The following IL6 variants were observed in gnomAD, a reference collection of about 807,000 sequenced individuals.
IL6 encodes the protein interleukin 6.
In IL6, 5 loss-of-function variants were observed where a neutral mutation model predicts 18.0. That is an observed-to-expected ratio of 0.28 (90% CI 0.15 to 0.58). The LOEUF (loss-of-function observed/expected upper bound fraction) is 0.58, where lower values mean the gene tolerates loss of function less well. Ranked by LOEUF, IL6 falls within the 20% of genes least tolerant of loss-of-function variation. The pLI is 0.90. For synonymous variants in IL6, 97 were observed against 95.1 expected, an observed-to-expected ratio of 1.02 and a Z score of -0.12; for missense variants, 266 against 251.0, an observed-to-expected ratio of 1.06 and a Z score of -0.40.
At chr7:22,727,953 G>A (rs1784047203) in intron 2 of IL6, among the ~76,000 whole-genome samples, 1 of 151,944 alleles carries the variant, frequency 6.6e-6, no homozygotes, top group South Asian at 2.1e-4. Context: ...TTTGTCCCCC[G>A]GGCTTTGGAA....
Position 22,727,543 on chromosome 7 carries a change from C to A in IL6, c.119C>A (p.Ala40Asp), listed in dbSNP as rs1360685977. Residue 40 changes from alanine (A) to aspartate (D), a missense_variant, in exon 2 of 5, where the codon GCC (alanine) becomes GAC (aspartate). Ala to Asp is a moderately radical substitution (Grantham distance 126). Transcript: ENST00000258743. ...CCAGGAGAAGATTCCAAAGATGTAG[C>A]CGCCCCACACAGACAGCCACTCACC... is the stretch of plus-strand genomic sequence containing the variant. ...VPPGEDSKDV[A>D]APHRQPLTSS... The A allele has an allele frequency of 1.2e-6, 2 of 1,612,054 alleles. No homozygotes were observed. Among genetic ancestry groups the A allele is most frequent in the Admixed American group, 3.4e-5 (2 of 59,616 alleles).
intron 4 of IL6, chr7:22,730,191 G>A (rs1344108086): frequency 1.0e-6 from 1 of 985,260 alleles, no homozygotes; most frequent in African/African-American, 1.7e-5. Flanking sequence ...CAGACAGCAG[G>A]GAGTAGACTT....
rs115330976 is a variant in IL6 at position 22,727,800 on chromosome 7, T to G, written c.210+166T>G. 3.3e-3 allele frequency among the ~76,000 whole-genome samples: 503 copies of G among 152,308 alleles called. 3 individuals are homozygous for G. The highest frequency in any genetic ancestry group is 0.011 in the African/African-American group (464 of 41,566). ...TAGACTGACTTCTGTATTTATCCTT[T>G]GCTGGTGTCAGGAAGTTCCTTTCCT... On this transcript the variant is annotated intron_variant, in intron 2 of 4. Coordinates refer to ENST00000258743, the MANE Select transcript of IL6 (RefSeq NM_000600.5).
chr7:22,729,949 G>A (rs897407192), intron 4 of IL6: 1 of 1,357,364 alleles, frequency 7.4e-7, no homozygotes, highest in Non-Finnish European at 9.5e-7. Flanking sequence ...CCAAAGGCGG[G>A]GGGGCGGGCA....
At position 22,731,534 on chromosome 7, in the gene IL6, G is replaced by T; in HGVS notation, c.600G>T (p.Glu200Asp). Reference sequence around the variant, plus strand: ...ATCTCATTCTGCGCAGCTTTAAGGAGTTCCTGCAGTCCAGCCTGAGGGCTC... The same window carrying T: ...ATCTCATTCTGCGCAGCTTTAAGGATTTCCTGCAGTCCAGCCTGAGGGCTC... Reference protein sequence around the residue: ...TTHLILRSFKEFLQSSLRALR... With the variant: ...TTHLILRSFKDFLQSSLRALR... Residue 200 changes from glutamate to aspartate, a missense_variant, in exon 5 of 5, where the codon GAG becomes GAT. Physicochemically the swap from Glu to Asp is conservative, Grantham distance 45. Transcript: ENST00000258743. 6.2e-7 allele frequency: 1 copy of T among 1,605,422 alleles called. No homozygotes were observed. The highest frequency in any genetic ancestry group is 1.1e-5 in the South Asian group (1 of 89,918).
In IL6 at chr7:22,727,502, C is replaced by G. The variant is rs1784032100; in HGVS notation, c.78C>G (p.Phe26Leu). 4 of 1,613,968 alleles carry G rather than the reference C, an allele frequency of 2.5e-6. No homozygotes were observed. In the South Asian group the frequency reaches 3.3e-5, roughly 13 times the overall value. ...LGLLLVLPAA[F>L]PAPVPPGEDS... ...TGCTCCTGGTGTTGCCTGCTGCCTT[C>G]CCTGCCCCAGTACCCCCAGGAGAAG... Residue 26 changes from phenylalanine (F) to leucine (L), a missense_variant, in exon 2 of 5, where the codon TTC becomes TTG. Physicochemically the swap from Phe to Leu is conservative, Grantham distance 22. Transcript: ENST00000258743.
chr7:22,731,420 T>G lies in IL6; in HGVS notation c.486T>G (p.Asp162Glu). Residue 162 changes from aspartate to glutamate, a missense_variant, in exon 5 of 5, where the codon GAT becomes GAG. Transcript: ENST00000258743. ...TTTTCCTTCAGGCAAAGAATCTAGA[T>G]GCAATAACCACCCCTGACCCAACCA... Reference protein sequence around the residue: ...QFLQKKAKNLDAITTPDPTTN... With the variant: ...QFLQKKAKNLEAITTPDPTTN... The G allele has an allele frequency of 6.4e-7, 1 of 1,574,152 alleles. No homozygotes were observed. The highest frequency in any genetic ancestry group is 8.7e-7 in the Non-Finnish European group (1 of 1,155,428).
At position 22,728,733 on chromosome 7, in the gene IL6, C is replaced by T; in HGVS notation, c.251C>T (p.Ala84Val). ...KSNMCESSKE[A>V]LAENNLNLPK... The stretch of plus-strand genomic sequence containing the variant: ...AACATGTGTGAAAGCAGCAAAGAGG[C>T]ACTGGCAGAAAACAACCTGAACCTT... Residue 84 changes from alanine to valine, a missense_variant, in exon 3 of 5, where the codon GCA (alanine) becomes GTA (valine). Transcript: ENST00000258743. 1 of 1,612,928 alleles carries T rather than the reference C, an allele frequency of 6.2e-7. No individual in the cohort carries two copies.
chr7:22,731,618 T>C lies in IL6; in HGVS notation c.*45T>C, dbSNP rs199619831. 1.4e-5 allele frequency: 21 copies of C among 1,489,944 alleles called. No homozygotes were observed. The African/African-American group carries it at 2.6e-4, about 19-fold the overall frequency. 92.3% of individuals were successfully genotyped at this position (1,489,944 alleles called of 1,614,324 possible). A position where few individuals can be genotyped will look rare whatever the true frequency, so the allele number is the denominator to read the frequency against. On this transcript the variant is annotated 3_prime_UTR_variant, in exon 5 of 5. Coordinates refer to ENST00000258743, the MANE Select transcript of IL6 (RefSeq NM_000600.5). ...TGTTGTTAATGGGCATTCCTTCTTC[T>C]GGTCAGAAACCTGTCCACTGGGCAC...
At chr7:22,728,833 A>AT in intron 3 of IL6, 27 bp downstream of exon 3, 1 of 1,350,876 alleles carries the variant, frequency 7.4e-7, no homozygotes, top group Non-Finnish European at 1.1e-6. Context: ...CTCACTTTTC[A>AT]CTATTCCTTA....
chr7:22,729,473 C>G (rs561309111), intron 3 of IL6, 41 bp from the exon 4 acceptor site: 5 of 1,588,086 alleles, frequency 3.1e-6, no homozygotes, highest in Non-Finnish European at 4.3e-6. Context: ...TTGATTCTAT[C>G]TCCTGGCGAT....
chr7:22,729,562 T>C lies in IL6; in HGVS notation c.373T>C (p.Tyr125His). ...CACTGGTCTTTTGGAGTTTGAGGTA[T>C]ACCTAGAGTACCTCCAGAACAGATT... Reference protein sequence around the residue: ...IITGLLEFEVYLEYLQNRFES... With the variant: ...IITGLLEFEVHLEYLQNRFES... Residue 125 changes from tyrosine (Y) to histidine (H), a missense_variant, in exon 4 of 5, where the codon TAC becomes CAC. Transcript: ENST00000258743. The C allele has an allele frequency of 3.7e-6, 6 of 1,614,006 alleles. No individual in the cohort carries two copies. The highest frequency in any genetic ancestry group is 5.1e-6 in the Non-Finnish European group (6 of 1,179,886).
In IL6 at chr7:22,729,572, A is replaced by G. The variant is rs201371019; in HGVS notation, c.383A>G (p.Tyr128Cys). ...GLLEFEVYLEYLQNRFESSEE... is the reference protein window; with the variant it reads ...GLLEFEVYLECLQNRFESSEE... ...TTGGAGTTTGAGGTATACCTAGAGT[A>G]CCTCCAGAACAGATTTGAGAGTAGT... The change falls in exon 4 of 5, where the codon TAC (tyrosine) becomes TGC (cysteine). Residue 128 changes from tyrosine (Y) to cysteine (C), a missense_variant. Coordinates refer to ENST00000258743, the MANE Select transcript of IL6 (RefSeq NM_000600.5). 1 of 1,614,104 alleles carries G rather than the reference A, an allele frequency of 6.2e-7. No individual in the cohort carries two copies. The highest frequency in any genetic ancestry group is 8.5e-7 in the Non-Finnish European group (1 of 1,179,974).
Position 22,728,717 on chromosome 7 carries a change from G to C in IL6, c.235G>C (p.Glu79Gln), listed in dbSNP as rs190436077. The C allele has an allele frequency of 1.2e-6, 2 of 1,610,480 alleles. No homozygotes were observed. The highest frequency in any genetic ancestry group is 1.7e-6 in the Non-Finnish European group (2 of 1,176,616). ...GACATGTAACAAGAGTAACATGTGTGAAAGCAGCAAAGAGGCACTGGCAGA... is the reference window on the plus strand; with the variant it reads ...GACATGTAACAAGAGTAACATGTGTCAAAGCAGCAAAGAGGCACTGGCAGA... The part of the protein sequence containing the change: ...KETCNKSNMC[E>Q]SSKEALAENN... Residue 79 changes from glutamate to glutamine, a missense_variant, in exon 3 of 5, where the codon GAA becomes CAA. Transcript: ENST00000258743.
chr7:22,729,844 C>G (rs1004777340), intron 4 of IL6, 184 bp downstream of exon 4: 3 of 1,500,564 alleles, frequency 2.0e-6, no homozygotes, highest in East Asian at 4.9e-5. Context: ...TTGGTTGGCT[C>G]TCTTCTGCAA....
In IL6 at chr7:22,728,491, C is replaced by G; in HGVS notation, c.211-202C>G. On this transcript the variant is annotated intron_variant, in intron 2 of 4. Transcript: ENST00000258743. ...GAAACTGAGACTCAGGATTAAGTAA[C>G]ACACCTAAAGTCACAGGTGAGCTTG... is the stretch of plus-strand genomic sequence containing the variant. The G allele has an allele frequency of 3.6e-6, 2 of 549,058 alleles. 1 individual carries two copies. Among genetic ancestry groups the G allele is most frequent in the Non-Finnish European group, 6.5e-6 (2 of 306,686 alleles). The allele number at this position is 549,058 out of a possible 1,614,324, so 34.0% of individuals were successfully genotyped here. A position where few individuals can be genotyped will look rare whatever the true frequency, so the allele number is the denominator to read the frequency against.
In IL6 at chr7:22,731,684, C is replaced by T. The variant is rs201150447; in HGVS notation, c.*111C>T. The T allele has an allele frequency of 1.3e-5, 7 of 528,098 alleles. No homozygotes were observed. In the South Asian group the frequency reaches 6.1e-4, roughly 46 times the overall value. 32.7% of individuals were successfully genotyped at this position (528,098 alleles called of 1,614,324 possible). ...CTCTATGGAGAACTAAAAGTATGAG[C>T]GTTAGGACACTATTTTAATTATTTT... On this transcript the variant is annotated 3_prime_UTR_variant, in exon 5 of 5. Coordinates refer to ENST00000258743, the MANE Select transcript of IL6 (RefSeq NM_000600.5).
intron 4 of IL6, chr7:22,730,043 G>T (rs970776468): frequency 2.0e-6 from 2 of 985,272 alleles, no homozygotes; most frequent in Non-Finnish European, 2.4e-6. Context: ...TTTAGTCATT[G>T]CCAAGTGACA....
At position 22,731,709 on chromosome 7, in the gene IL6, T is replaced by G; in HGVS notation, c.*136T>G. ...CGTTAGGACACTATTTTAATTATTT[T>G]TAATTTATTAATATTTAAATATGTG... On this transcript the variant is annotated 3_prime_UTR_variant, in exon 5 of 5. Transcript: ENST00000258743. 2 of 420,450 alleles carry G rather than the reference T, an allele frequency of 4.8e-6. No homozygotes were observed. The highest frequency in any genetic ancestry group is 3.9e-6 in the Non-Finnish European group (1 of 253,686). The allele number at this position is 420,450 out of a possible 1,614,324, so 26.0% of individuals were successfully genotyped here. A position where few individuals can be genotyped will look rare whatever the true frequency, so the allele number is the denominator to read the frequency against.
Sources: allele counts gnomAD v4.1 joint callset (sites outside exome capture counted in the v4.1 genomes callset), GRCh38; gene constraint gnomAD v4.1.1; transcripts MANE v1.5; gene names NCBI Gene and HGNC (gene_info 2026-07-23, HGNC 2026-07-21).